Variants in MSRA observed in about 807,000 individuals in gnomAD.
MSRA encodes mitochondrial peptide methionine sulfoxide reductase.
In MSRA, 54 loss-of-function variants were observed where a neutral mutation model predicts 31.3. That is an observed-to-expected ratio of 1.73 (90% CI 1.39 to 2.17). MSRA has a LOEUF of 2.17. Among genes scored for constraint, MSRA ranks in the 30% most tolerant of loss-of-function variants. The pLI is 0.00. For missense variants in MSRA, 507 were observed against 300.9 expected, an observed-to-expected ratio of 1.69 and a Z score of -5.07; for synonymous variants, 169 against 116.5, an observed-to-expected ratio of 1.45 and a Z score of -2.90.
intron 1 of MSRA, among the ~76,000 whole-genome samples, chr8:10,122,987 G>C (rs1225355767): frequency 6.6e-6 from 1 of 152,120 alleles, no homozygotes; most frequent in South Asian, 2.1e-4. Flanking sequence ...GTGCTGCAGC[G>C]AACATATATG....
chr8:10,155,850 A>G (rs764183292), intron 1 of MSRA, among the ~76,000 whole-genome samples: 17 of 152,130 alleles, frequency 1.1e-4, no homozygotes, highest in Non-Finnish European at 2.5e-4. Context: ...ACAAATATAG[A>G]AGGAGTTAGA....
intron 3 of MSRA, among the ~76,000 whole-genome samples, chr8:10,278,843 C>G (rs760215349): frequency 2.6e-5 from 4 of 152,166 alleles, no homozygotes; most frequent in Admixed American, 6.5e-5. Context: ...TCTCTACATT[C>G]CCGTCAGACT....
chr8:10,117,604 T>A (rs186681980), intron 1 of MSRA, among the ~76,000 whole-genome samples: 49 of 152,358 alleles, frequency 3.2e-4, no homozygotes, highest in African/African-American at 1.1e-3. Context: ...GTATCTTTTA[T>A]ATATAGATAT....
chr8:10,103,103 T>C (rs1384612564), intron 1 of MSRA, among the ~76,000 whole-genome samples: 2 of 152,242 alleles, frequency 1.3e-5, no homozygotes, highest in Non-Finnish European at 2.9e-5. Context: ...TTCTACTTTA[T>C]TAATTTAGAA....
chr8:10,425,300 G>A (rs1472818387), intron 5 of MSRA, among the ~76,000 whole-genome samples: 2 of 152,228 alleles, frequency 1.3e-5, no homozygotes, highest in Non-Finnish European at 2.9e-5. Flanking sequence ...GGTGGGCTGC[G>A]GTTTCCCTGC....
At chr8:10,426,976 G>GGCCTCAAGATCCTCGATCA (rs1554561413) in intron 5 of MSRA, among the ~76,000 whole-genome samples, 39 of 174 alleles carry the variant, frequency 0.22, no homozygotes, top group African/African-American at 0.35. Context: ...GGACCTGCTG[G>GGCCTCAAGATCCTCGATCA]GCCTTCTGCT....
intron 1 of MSRA, among the ~76,000 whole-genome samples, chr8:10,091,455 G>T (rs954997455): frequency 6.6e-6 from 1 of 151,970 alleles, no homozygotes; most frequent in African/African-American, 2.4e-5. Context: ...TATTTTCCTC[G>T]TTTATCTGTT....
chr8:10,404,171 G>C (rs1807646137), intron 5 of MSRA, among the ~76,000 whole-genome samples: 1 of 152,246 alleles, frequency 6.6e-6, no homozygotes, highest in African/African-American at 2.4e-5. Context: ...GGTCCACGTG[G>C]AGAGGTCACC....
intron 5 of MSRA, among the ~76,000 whole-genome samples, chr8:10,328,758 A>T (rs1802524661): frequency 6.6e-6 from 1 of 152,228 alleles, no homozygotes; most frequent in Non-Finnish European, 1.5e-5. Flanking sequence ...AGAACCTTTG[A>T]ATAAGGCTCA....
At chr8:10,148,454 C>G (rs1446306749) in intron 1 of MSRA, among the ~76,000 whole-genome samples, 1 of 151,842 alleles carries the variant, frequency 6.6e-6, no homozygotes, top group Non-Finnish European at 1.5e-5. Flanking sequence ...CCAGCCCAGC[C>G]TGGCCAACAT....
intron 2 of MSRA, among the ~76,000 whole-genome samples, chr8:10,240,696 C>T (rs1475453718): frequency 6.6e-6 from 1 of 152,202 alleles, no homozygotes; most frequent in Non-Finnish European, 1.5e-5. Flanking sequence ...CTATTCTTCC[C>T]TCTCTGAAGG....
At chr8:10,411,953 C>T (rs1808185112) in intron 5 of MSRA, among the ~76,000 whole-genome samples, 1 of 152,184 alleles carries the variant, frequency 6.6e-6, no homozygotes, top group African/African-American at 2.4e-5. Context: ...GTGTCGTCCA[C>T]AGAGTGGTTT....
intron 4 of MSRA, among the ~76,000 whole-genome samples, chr8:10,315,331 T>A (rs7014570): frequency 6.6e-6 from 1 of 151,974 alleles, no homozygotes; most frequent in Non-Finnish European, 1.5e-5. Flanking sequence ...AAAAACCAGG[T>A]GTGGTACAAC....
At chr8:10,367,561 C>G (rs145506594) in intron 5 of MSRA, among the ~76,000 whole-genome samples, 8 of 152,322 alleles carry the variant, frequency 5.3e-5, no homozygotes, top group African/African-American at 1.9e-4. Flanking sequence ...CACTGTAGGT[C>G]TTATCTCAGA....
intron 3 of MSRA, among the ~76,000 whole-genome samples, chr8:10,270,279 T>A (rs1798960285): frequency 1.3e-5 from 2 of 152,152 alleles, no homozygotes; most frequent in South Asian, 4.1e-4. Flanking sequence ...TATTTCTGTT[T>A]CAAGTTAATG....
intron 1 of MSRA, among the ~76,000 whole-genome samples, chr8:10,166,410 G>A (rs538322051): frequency 2.0e-5 from 3 of 152,310 alleles, no homozygotes; most frequent in South Asian, 4.1e-4. Flanking sequence ...ATGTGTGTAT[G>A]TGTTTGCATA....
At chr8:10,094,389 G>A (rs1156434079) in intron 1 of MSRA, among the ~76,000 whole-genome samples, 1 of 152,232 alleles carries the variant, frequency 6.6e-6, no homozygotes, top group Non-Finnish European at 1.5e-5. Context: ...GATCCTAATT[G>A]TGAAGATGAC....
chr8:10,237,048 GC>G (rs1812004462), intron 2 of MSRA, among the ~76,000 whole-genome samples: 1 of 152,180 alleles, frequency 6.6e-6, no homozygotes, highest in South Asian at 2.1e-4. Context: ...ATTTATAAGG[GC>G]TCTAGAATAA....
At chr8:10,187,796 C>G (rs1305564869) in intron 1 of MSRA, among the ~76,000 whole-genome samples, 1 of 152,190 alleles carries the variant, frequency 6.6e-6, no homozygotes, top group Non-Finnish European at 1.5e-5. Context: ...CTGGATATTT[C>G]TGTCTTCAGA....
Sources: allele counts gnomAD v4.1 joint callset (sites outside exome capture counted in the v4.1 genomes callset), GRCh38; gene constraint gnomAD v4.1.1; transcripts MANE v1.5; gene names NCBI Gene and HGNC (gene_info 2026-07-23, HGNC 2026-07-21).